PLPBP: variants seen among roughly 807,000 people sequenced by gnomAD.
PLPBP encodes the protein pyridoxal phosphate binding protein, also known as pyridoxal phosphate homeostasis protein.
A neutral mutation model predicts 31.2 loss-of-function variants in PLPBP; 21 were observed. The ratio of observed to expected loss-of-function variants is 0.67; its 90% CI spans 0.48 to 0.97. The LOEUF (loss-of-function observed/expected upper bound fraction) is 0.97, where lower values mean the gene tolerates loss of function less well. Among genes scored for constraint, PLPBP ranks in the 50% least tolerant of loss-of-function variants. The probability of loss-of-function intolerance (pLI) is 0.00; values close to 1 mark genes in which losing one functional copy is unlikely to be tolerated. For synonymous variants in PLPBP, 124 were observed against 135.6 expected (o/e 0.91, Z 0.59); for missense variants, 308 against 354.4 (o/e 0.87, Z 1.05).
chr8:37,775,378 TG>T lies in PLPBP; in HGVS notation c.496del (p.Glu166SerfsTer3). On this transcript the variant is annotated frameshift_variant, in exon 6 of 8. Coordinates refer to ENST00000328195, the MANE Select transcript of PLPBP (RefSeq NM_007198.4). LOFTEE classifies it high-confidence loss of function. Reference sequence around the variant, plus strand: ...CCACCTTCAGAGACCATAGCCATCGTGGAGCACATAAACGCCAAGTGTCCTA... The same window carrying T: ...CCACCTTCAGAGACCATAGCCATCGTGAGCACATAAACGCCAAGTGTCCTA... ...GLPPSETIAI[V>X]EHINAKCPNL... 1 of 1,614,228 alleles carries T rather than the reference TG, an allele frequency of 6.2e-7. No homozygotes were observed. Among genetic ancestry groups the T allele is most frequent in the Non-Finnish European group, 8.5e-7 (1 of 1,180,042 alleles).
rs1265211369 is a variant in PLPBP, at chr8:37,770,572, T to TTTTG, written c.320-2163_320-2160dup. Among the ~76,000 whole-genome samples the TTTTG allele has an allele frequency of 1.4e-3, 218 of 152,178 alleles. 1 individual carries two copies. Among genetic ancestry groups the TTTTG allele is most frequent in the African/African-American group, 4.7e-3 (195 of 41,536 alleles). ...TCTCCAAGACATTAGTCTGGACAAA[T>TTTTG]TTTGTTTGTTTGTTTGTTTGTTTTG... is the stretch of plus-strand genomic sequence containing the variant. On this transcript the variant is annotated intron_variant, in intron 4 of 7. Coordinates refer to ENST00000328195, the MANE Select transcript of PLPBP (RefSeq NM_007198.4).
chr8:37,775,166 C>A, intron 5 of PLPBP, 173 bp from the exon 6 acceptor site: 1 of 603,726 alleles, frequency 1.7e-6, no homozygotes, highest in Non-Finnish European at 2.8e-6. Context: ...TGACCAGAAG[C>A]AGAGCAACAT....
In PLPBP at chr8:37,775,932, C is replaced by T. The variant is rs1312345001; in HGVS notation, c.612C>T (p.Leu204=). 1.2e-6 allele frequency: 2 copies of T among 1,613,670 alleles called. No homozygotes were observed. The highest frequency in any genetic ancestry group is 4.5e-5 in the East Asian group (2 of 44,856). ...CTTTCTGTCAGCTGTTATTGTCCCT[C>T]CGGGAGGAGCTGTGTAAAAAGCTGA... The part of the protein sequence containing the change: ...PNPDFQLLLS[L]REELCKKLNI... The change falls in exon 7 of 8, where the codon CTC becomes CTT. Residue 204 remains leucine (L), a synonymous_variant. Transcript: ENST00000328195.
chr8:37,765,798 T>G (rs780875567), intron 3 of PLPBP, 52 bp downstream of exon 3: 7 of 1,591,780 alleles, frequency 4.4e-6, no homozygotes, highest in African/African-American at 1.4e-5. Flanking sequence ...GGCTCTTTAG[T>G]TGAAAATTAG....
intron 5 of PLPBP, among the ~76,000 whole-genome samples, chr8:37,774,216 AAAAT>A (rs1337838885): frequency 6.6e-6 from 1 of 152,186 alleles, no homozygotes; most frequent in Non-Finnish European, 1.5e-5. Context: ...ATCTCAAAAA[AAAAT>A]AAATAAATAA....
rs752379328 is a variant in PLPBP at position 37,776,003 on chromosome 8, A to C, written c.683A>C (p.Asp228Ala). 6.2e-7 allele frequency: 1 copy of C among 1,613,512 alleles called. No homozygotes were observed. The change falls in exon 7 of 8, where the codon GAT (aspartate) becomes GCT (alanine). Residue 228 changes from aspartate to alanine, a missense_variant. Asp to Ala is a moderately radical substitution (Grantham distance 126, BLOSUM62 -2). This residue lies in a region of PLPBP where 188 missense variants were observed against 259.3 expected (regional missense o/e 0.73). Transcript: ENST00000328195. ...QVELSMGMSA[D>A]FQHAVEVGST... ...GAGCTGAGCATGGGCATGTCCGCGG[A>C]TTTCCAGCATGCGGTGAGTGTCCTG...
At chr8:37,768,465 C>CTTTTTTTT (rs903134254) in intron 4 of PLPBP, among the ~76,000 whole-genome samples, 8 of 76,826 alleles carry the variant, frequency 1.0e-4, no homozygotes, top group African/African-American at 1.6e-4. Context: ...TTTTGATTTT[C>CTTTTTTTT]TTTTTTTTTT....
At chr8:37,770,738 G>A (rs911440263) in intron 4 of PLPBP, among the ~76,000 whole-genome samples, 1 of 151,112 alleles carries the variant, frequency 6.6e-6, no homozygotes, top group African/African-American at 2.4e-5. Context: ...CCACCATGCT[G>A]GCTAATTTTT....
chr8:37,766,142 C>T lies in PLPBP; in HGVS notation c.244-138C>T, dbSNP rs145182281. On this transcript the variant is annotated intron_variant, in intron 3 of 7. Transcript: ENST00000328195. The stretch of plus-strand genomic sequence containing the variant: ...CTATCCTTTTACCTCATTAGGAGGC[C>T]GGGTGAAGATTGTGATAGTTTATTA... 340 of 678,372 alleles carry T rather than the reference C, an allele frequency of 5.0e-4. 1 individual carries two copies. The East Asian group carries it at 9.1e-3, about 18-fold the overall frequency. The allele number at this position is 678,372 out of a possible 1,614,324, so 42.0% of individuals were successfully genotyped here. A position where few individuals can be genotyped will look rare whatever the true frequency, so the allele number is the denominator to read the frequency against.
In PLPBP at chr8:37,778,398, C is replaced by T. The variant is rs1378423409; in HGVS notation, c.*294C>T. ...GGAGCATGAACTGATCCATGAATGC[C>T]TTTTCCAGGTTAAAATTTGGTCACT... On this transcript the variant is annotated 3_prime_UTR_variant, in exon 8 of 8. Coordinates refer to ENST00000328195, the MANE Select transcript of PLPBP (RefSeq NM_007198.4). 5.6e-6 allele frequency: 1 copy of T among 178,104 alleles called. No individual in the cohort carries two copies. The highest frequency in any genetic ancestry group is 1.5e-4 in the East Asian group (1 of 6,790). The allele number at this position is 178,104 out of a possible 1,614,324, so 11.0% of individuals were successfully genotyped here.
At position 37,765,648 on chromosome 8, in the gene PLPBP, C is replaced by T. The variant is rs1030191601; in HGVS notation, c.207+15C>T. On this transcript the variant is annotated intron_variant, in intron 2 of 7. Coordinates refer to ENST00000328195, the MANE Select transcript of PLPBP (RefSeq NM_007198.4). ...GCGAGAACTACGTAAGAGCCCTTTCCTGAAGCCCTTTGGAAGCATCATGAT... is the reference window on the plus strand; with the variant it reads ...GCGAGAACTACGTAAGAGCCCTTTCTTGAAGCCCTTTGGAAGCATCATGAT... 3 of 1,614,216 alleles carry T rather than the reference C, an allele frequency of 1.9e-6. No homozygotes were observed. Among genetic ancestry groups the T allele is most frequent in the East Asian group, 2.2e-5 (1 of 44,892 alleles).
intron 4 of PLPBP, among the ~76,000 whole-genome samples, chr8:37,772,542 C>G (rs1320060258): frequency 6.6e-6 from 1 of 152,156 alleles, no homozygotes; most frequent in Non-Finnish European, 1.5e-5. Context: ...CAGCTTTTCC[C>G]TTATTTACCT....
chr8:37,766,682 TA>T, intron 4 of PLPBP: 2 of 916,896 alleles, frequency 2.2e-6, no homozygotes, highest in Middle Eastern at 1.1e-3. Context: ...CTTTTTCCTT[TA>T]AATAAAAGGC....
chr8:37,777,882 C>G, intron 7 of PLPBP, 91 bp from the exon 8 acceptor site: 1 of 1,449,012 alleles, frequency 6.9e-7, no homozygotes, highest in Non-Finnish European at 9.4e-7. Context: ...ATAGAAGGCT[C>G]TTGAGAGCCA....
chr8:37,762,678 A>G lies in PLPBP; in HGVS notation c.19A>G (p.Met7Val), dbSNP rs764612461. MWRAGSMSAELGVGCAL... is the reference protein window; with the variant it reads MWRAGSVSAELGVGCAL... ...CCGGGGGATGTGGAGAGCTGGCAGC[A>G]TGTCGGCCGAGCTGGGAGTCGGGTG... is the stretch of plus-strand genomic sequence containing the variant. Residue 7 changes from methionine to valine, a missense_variant, in exon 1 of 8, where the codon ATG becomes GTG. This residue lies in a region of PLPBP where 120 missense variants were observed against 95.1 expected (regional missense o/e 1.26). Transcript: ENST00000328195. 1.1e-5 allele frequency: 18 copies of G among 1,587,596 alleles called. No homozygotes were observed. The highest frequency in any genetic ancestry group is 1.8e-5 in the Admixed American group (1 of 55,984).
At chr8:37,770,624 C>A (rs1803745762) in intron 4 of PLPBP, among the ~76,000 whole-genome samples, 1 of 152,222 alleles carries the variant, frequency 6.6e-6, no homozygotes, top group South Asian at 2.1e-4. Context: ...TGCACCCAGA[C>A]TGGAATGCAG....
intron 7 of PLPBP, among the ~76,000 whole-genome samples, chr8:37,776,431 G>A (rs1478726837): frequency 4.3e-5 from 6 of 138,030 alleles, no homozygotes; most frequent in South Asian, 2.2e-4. Context: ...AGCCGAGGTC[G>A]CGCCACTGCA....
intron 1 of PLPBP, among the ~76,000 whole-genome samples, chr8:37,763,140 G>A (rs138022280): frequency 6.6e-6 from 1 of 152,160 alleles, no homozygotes; most frequent in South Asian, 2.1e-4. Flanking sequence ...GGCCAGAGAC[G>A]CCCGAGATCG....
chr8:37,777,874 A>G (rs1242967200), intron 7 of PLPBP, 99 bp from the exon 8 acceptor site: 1 of 1,382,570 alleles, frequency 7.2e-7, no homozygotes, highest in East Asian at 2.6e-5. Flanking sequence ...CCCCGTCCAT[A>G]GAAGGCTCTT....
Sources: gnomAD v4.1 joint callset for allele counts (sites outside exome capture counted in the v4.1 genomes callset) on GRCh38, gnomAD v4.1.1 for gene constraint, gnomAD v4.1.1 regional missense constraint, MANE v1.5 for transcripts, NCBI Gene and HGNC (gene_info 2026-07-23, HGNC 2026-07-21) for gene names.